RARB: variants seen among roughly 807,000 people sequenced by gnomAD.
RARB encodes the protein HBV-activated protein.
RARB carries 17 observed loss-of-function variants against 51.9 expected under a neutral mutation model. That is an observed-to-expected ratio of 0.33 (90% confidence interval 0.22 to 0.49). The LOEUF (loss-of-function observed/expected upper bound fraction) is 0.49. RARB is among the 20% of genes least tolerant of loss of function. The pLI is 0.99. For synonymous variants in RARB, 215 were observed against 195.4 expected, an observed-to-expected ratio of 1.10 and a Z score of -0.84; for missense variants, 369 against 550.8, an observed-to-expected ratio of 0.67 and a Z score of 3.30.
chr3:24,900,086 T>C (rs1703569874), intron 2 of RARB, among the ~76,000 whole-genome samples: 1 of 152,242 alleles, frequency 6.6e-6, no homozygotes, highest in Admixed American at 6.5e-5. Flanking sequence ...GCAAGTCCCA[T>C]CTATTAAGTG....
At chr3:25,002,405 T>A (rs1697180588) in intron 2 of RARB, among the ~76,000 whole-genome samples, 1 of 152,094 alleles carries the variant, frequency 6.6e-6, no homozygotes, top group South Asian at 2.1e-4. Flanking sequence ...GAAACTCTCA[T>A]GAAAGAAGGA....
At chr3:25,460,779 C>G in intron 1 of RARB, among the ~76,000 whole-genome samples, 1 of 152,126 alleles carries the variant, frequency 6.6e-6, no homozygotes, top group East Asian at 1.9e-4. Flanking sequence ...AAGGTCAAGT[C>G]GTTTGAGATT....
intron 3 of RARB, among the ~76,000 whole-genome samples, chr3:25,509,678 A>T (rs1316630555): frequency 6.6e-6 from 1 of 152,096 alleles, no homozygotes; most frequent in Non-Finnish European, 1.5e-5. Flanking sequence ...GTATCCTGGA[A>T]CCCAACTCCA....
chr3:24,849,524 G>A (rs987659967), intron 1 of RARB, among the ~76,000 whole-genome samples: 1 of 152,210 alleles, frequency 6.6e-6, no homozygotes, highest in Non-Finnish European at 1.5e-5. Flanking sequence ...TCAATTAAGT[G>A]ATATGTAACC....
At chr3:25,105,835 T>C (rs892408973) in intron 3 of RARB, among the ~76,000 whole-genome samples, 1 of 152,218 alleles carries the variant, frequency 6.6e-6, no homozygotes, top group Non-Finnish European at 1.5e-5. Flanking sequence ...CATGAACATA[T>C]ATCTTCTTTT....
chr3:25,408,143 C>T (rs551849056), intron 5 of RARB, among the ~76,000 whole-genome samples: 13 of 152,264 alleles, frequency 8.5e-5, no homozygotes, highest in Non-Finnish European at 1.8e-4. Flanking sequence ...CATATGTCAT[C>T]TTTCATTAAC....
chr3:25,157,528 A>T (rs1700398434), intron 4 of RARB, among the ~76,000 whole-genome samples: 1 of 151,294 alleles, frequency 6.6e-6, no homozygotes, highest in African/African-American at 2.4e-5. Context: ...CTCCAGAGTA[A>T]CAGGACTACA....
chr3:25,246,903 T>C (rs930197979), intron 5 of RARB, among the ~76,000 whole-genome samples: 1 of 152,198 alleles, frequency 6.6e-6, no homozygotes, highest in Non-Finnish European at 1.5e-5. Flanking sequence ...CGTTTAAGTC[T>C]GCTGGAGCTG....
intron 2 of RARB, among the ~76,000 whole-genome samples, chr3:24,997,817 CTAAA>C (rs1177224066): frequency 1.3e-5 from 2 of 152,092 alleles, no homozygotes; most frequent in Non-Finnish European, 2.9e-5. Flanking sequence ...TGTAGATTTT[CTAAA>C]TAGTGAGTAT....
At chr3:24,865,313 A>C (rs1404520862) in intron 2 of RARB, among the ~76,000 whole-genome samples, 3 of 152,004 alleles carry the variant, frequency 2.0e-5, no homozygotes, top group Non-Finnish European at 4.4e-5. Context: ...TTTCCATCCA[A>C]GCTGAAAAAA....
chr3:25,167,220 G>A (rs1332482317), intron 4 of RARB, among the ~76,000 whole-genome samples: 1 of 152,204 alleles, frequency 6.6e-6, no homozygotes, highest in East Asian at 1.9e-4. Context: ...TGACCACAGA[G>A]CTCTAGTTTT....
chr3:25,045,783 C>T (rs978301831), intron 2 of RARB, among the ~76,000 whole-genome samples: 15 of 152,292 alleles, frequency 9.8e-5, no homozygotes, highest in African/African-American at 3.6e-4. Context: ...AGCTTCAGAA[C>T]TTCTTAAGGT....
intron 3 of RARB, among the ~76,000 whole-genome samples, chr3:25,559,699 G>C (rs1700196674): frequency 6.6e-6 from 1 of 152,180 alleles, no homozygotes; most frequent in African/African-American, 2.4e-5. Context: ...TGGATGGATA[G>C]GAAGATAGAT....
At chr3:25,329,525 C>A (rs1704827944) in intron 5 of RARB, among the ~76,000 whole-genome samples, 1 of 152,118 alleles carries the variant, frequency 6.6e-6, no homozygotes, top group Non-Finnish European at 1.5e-5. Flanking sequence ...TCATCAAAGA[C>A]CAAAGGTAGG....
At chr3:25,336,483 A>G (rs1286200878) in intron 5 of RARB, among the ~76,000 whole-genome samples, 1 of 152,226 alleles carries the variant, frequency 6.6e-6, no homozygotes, top group Non-Finnish European at 1.5e-5. Context: ...ATTCCTTAGT[A>G]GATTTTAAAC....
intron 5 of RARB, among the ~76,000 whole-genome samples, chr3:25,176,478 C>A (rs947858761): frequency 6.6e-5 from 10 of 150,820 alleles, no homozygotes; most frequent in Admixed American, 4.0e-4. Context: ...TCACTGCAAC[C>A]TCCACCTCCC....
At chr3:25,199,018 A>G (rs1486183476) in intron 5 of RARB, among the ~76,000 whole-genome samples, 1 of 152,170 alleles carries the variant, frequency 6.6e-6, no homozygotes, top group Non-Finnish European at 1.5e-5. Context: ...ACTATTCACA[A>G]TGGCCAAGAT....
chr3:24,961,960 T>C (rs67338732), intron 2 of RARB, among the ~76,000 whole-genome samples: 58,312 of 121,030 alleles, frequency 0.48, 15,539 homozygotes, highest in African/African-American at 0.65. Flanking sequence ...GACAGAGTCT[T>C]GCTCTGTCGC....
chr3:25,440,524 G>C (rs1708623777), intron 1 of RARB, among the ~76,000 whole-genome samples: 1 of 151,522 alleles, frequency 6.6e-6, no homozygotes, highest in African/African-American at 2.4e-5. Context: ...TGTAATCCCA[G>C]CACTTTGGGA....
Sources: allele counts gnomAD v4.1 joint callset (sites outside exome capture counted in the v4.1 genomes callset), GRCh38; gene constraint gnomAD v4.1.1; transcripts MANE v1.5; gene names NCBI Gene and HGNC (gene_info 2026-07-23, HGNC 2026-07-21).